Variants in PDS5B observed in about 807,000 individuals in gnomAD.
The protein encoded by PDS5B is PDS5 cohesin associated factor B, also known as sister chromatid cohesion protein PDS5 homolog B.
In PDS5B, 51 loss-of-function variants were observed where a neutral mutation model predicts 184.1. That is an observed-to-expected ratio of 0.28 (90% CI 0.22 to 0.35). The LOEUF is 0.35. Ranked by LOEUF, PDS5B falls within the 10% of genes least tolerant of loss-of-function variation. The pLI is 1.00. For synonymous variants in PDS5B, 566 were observed against 569.2 expected (o/e 0.99, Z 0.08); for missense variants, 1,180 against 1,723.3 (o/e 0.68, Z 5.58).
intron 6 of PDS5B, among the ~76,000 whole-genome samples, chr13:32,665,914 A>T (rs1160817122): frequency 6.6e-6 from 1 of 152,166 alleles, no homozygotes; most frequent in Non-Finnish European, 1.5e-5. Context: ...GAACAGGAAG[A>T]CAAATATGTT....
chr13:32,770,758 A>G lies in PDS5B; in HGVS notation c.4169A>G (p.Asn1390Ser). Residue 1390 changes from asparagine (N) to serine (S), a missense_variant, in exon 33 of 35, where the codon AAT becomes AGT. Coordinates refer to ENST00000315596, the MANE Select transcript of PDS5B (RefSeq NM_015032.4). ...KTPSPSQPKK[N>S]VRVGRSKQAA... Reference sequence around the variant, plus strand: ...CCATCACCATCACAACCAAAAAAAAATGTGTAAGTTGTAAATATTACATTT... The same window carrying G: ...CCATCACCATCACAACCAAAAAAAAGTGTGTAAGTTGTAAATATTACATTT... 1 of 1,593,172 alleles carries G rather than the reference A, an allele frequency of 6.3e-7. No homozygotes were observed. The highest frequency in any genetic ancestry group is 8.6e-7 in the Non-Finnish European group (1 of 1,167,074).
intron 30 of PDS5B, 49 bp from the exon 31 acceptor site, chr13:32,764,440 T>C: frequency 8.5e-7 from 1 of 1,181,520 alleles, no homozygotes; most frequent in Non-Finnish European, 1.2e-6. Context: ...AGAAAAAGCT[T>C]GTAAGGTTAT....
chr13:32,725,594 A>G (rs775140681), intron 19 of PDS5B, among the ~76,000 whole-genome samples: 2 of 152,216 alleles, frequency 1.3e-5, no homozygotes, highest in Non-Finnish European at 2.9e-5. Flanking sequence ...TGACTCTATG[A>G]TAATTCAGTA....
intron 22 of PDS5B, among the ~76,000 whole-genome samples, chr13:32,742,071 T>C (rs1480125135): frequency 6.6e-6 from 1 of 152,162 alleles, no homozygotes; most frequent in Non-Finnish European, 1.5e-5. Flanking sequence ...GAGCCTTAGC[T>C]CTGTAAAAAG....
intron 3 of PDS5B, among the ~76,000 whole-genome samples, chr13:32,655,857 T>C (rs922154169): frequency 7.2e-5 from 11 of 152,228 alleles, no homozygotes; most frequent in African/African-American, 2.7e-4. Context: ...ATTTTTGTTT[T>C]TGTTGCAGTT....
intron 1 of PDS5B, among the ~76,000 whole-genome samples, chr13:32,610,337 G>A (rs138839965): frequency 1.3e-5 from 2 of 152,302 alleles, no homozygotes; most frequent in African/African-American, 4.8e-5. Context: ...TAATTCTAAT[G>A]ATATTCTCTG....
At chr13:32,612,802 A>G (rs1009885316) in intron 1 of PDS5B, among the ~76,000 whole-genome samples, 1 of 152,208 alleles carries the variant, frequency 6.6e-6, no homozygotes, top group African/African-American at 2.4e-5. Context: ...GAAGACCCTC[A>G]TTAGACGCTG....
At chr13:32,689,147 G>A (rs761806297) in intron 13 of PDS5B, 1 of 152,904 alleles carries the variant, frequency 6.5e-6, no homozygotes, top group Non-Finnish European at 1.5e-5. Context: ...CATACTAAGG[G>A]TTAGGAAATT....
intron 1 of PDS5B, among the ~76,000 whole-genome samples, chr13:32,617,405 G>A (rs2058235661): frequency 6.6e-6 from 1 of 152,040 alleles, no homozygotes. Context: ...GGATATCTTG[G>A]GAACAGAACA....
intron 1 of PDS5B, among the ~76,000 whole-genome samples, chr13:32,598,086 T>C (rs980485248): frequency 6.6e-6 from 1 of 152,066 alleles, no homozygotes; most frequent in Non-Finnish European, 1.5e-5. Flanking sequence ...TTAATTAATT[T>C]ACTTTTTGAG....
intron 19 of PDS5B, among the ~76,000 whole-genome samples, chr13:32,719,653 TGG>T (rs775152256): frequency 6.6e-6 from 1 of 152,124 alleles, no homozygotes; most frequent in South Asian, 2.1e-4. Flanking sequence ...TTTATTTTAG[TGG>T]GGGTGAGGAA....
intron 22 of PDS5B, 113 bp downstream of exon 22, chr13:32,741,261 C>A (rs539722765): frequency 1.1e-5 from 7 of 615,688 alleles, no homozygotes; most frequent in African/African-American, 7.7e-5. Flanking sequence ...CAAGTATTTA[C>A]ATTTATTGTA....
chr13:32,586,652 C>T (rs916926456), intron 1 of PDS5B, 59 bp downstream of exon 1: 1 of 151,312 alleles, frequency 6.6e-6, no homozygotes, highest in Non-Finnish European at 1.5e-5. Flanking sequence ...TGCGGCGCTC[C>T]ATTTTTCAGC....
chr13:32,655,359 C>CATATATATATATATGT (rs1555296312), intron 3 of PDS5B, among the ~76,000 whole-genome samples: 16 of 39,614 alleles, frequency 4.0e-4, no homozygotes, highest in African/African-American at 1.8e-3. Context: ...TGTTCTTTGC[C>CATATATATATATATGT]ATATATATAT....
chr13:32,637,050 G>A (rs1300719381), intron 1 of PDS5B, among the ~76,000 whole-genome samples: 1 of 152,108 alleles, frequency 6.6e-6, no homozygotes, highest in Admixed American at 6.5e-5. Context: ...ATGAGCAAAT[G>A]GTCAGATTAG....
At chr13:32,662,002 C>T (rs1950663478) in intron 6 of PDS5B, among the ~76,000 whole-genome samples, 1 of 152,056 alleles carries the variant, frequency 6.6e-6, no homozygotes, top group African/African-American at 2.4e-5. Context: ...GGAAGAGTTA[C>T]AGTAAATGTA....
chr13:32,731,319 G>C (rs1353395654), intron 19 of PDS5B, among the ~76,000 whole-genome samples: 1 of 151,996 alleles, frequency 6.6e-6, no homozygotes, highest in Non-Finnish European at 1.5e-5. Context: ...TCCTTTATTC[G>C]GTATTCGTTT....
Position 32,659,291 on chromosome 13 carries a change from A to G in PDS5B, c.624+11A>G, listed in dbSNP as rs201155797. On this transcript the variant is annotated intron_variant, in intron 6 of 34. Coordinates refer to ENST00000315596, the MANE Select transcript of PDS5B (RefSeq NM_015032.4). The stretch of plus-strand genomic sequence containing the variant: ...GTACCTGCTCATAAGGTGAGTAGCA[A>G]TGTATACTGTAATGTGTCTAATGCC... 5.1e-6 allele frequency: 8 copies of G among 1,570,532 alleles called. No homozygotes were observed. In the East Asian group the frequency reaches 1.6e-4, roughly 31 times the overall value.
intron 6 of PDS5B, among the ~76,000 whole-genome samples, chr13:32,661,195 C>T (rs572950727): frequency 3.5e-4 from 53 of 151,922 alleles, no homozygotes; most frequent in Non-Finnish European, 6.9e-4. Flanking sequence ...ACCAGCCTGG[C>T]CAACATGGTG....
Sources: allele counts gnomAD v4.1 joint callset (sites outside exome capture counted in the v4.1 genomes callset), GRCh38; gene constraint gnomAD v4.1.1; transcripts MANE v1.5; gene names NCBI Gene and HGNC (gene_info 2026-07-23, HGNC 2026-07-21).